Variants in ADCY10 observed in about 807,000 individuals in gnomAD.
The protein encoded by ADCY10 is adenylate cyclase 10.
In ADCY10, 156 loss-of-function variants were observed where a neutral mutation model predicts 183.3. The observed-to-expected ratio is 0.85, with a 90% CI of 0.75 to 0.97. The LOEUF (loss-of-function observed/expected upper bound fraction) is 0.97. Among genes scored for constraint, ADCY10 ranks in the 50% least tolerant of loss-of-function variants. ADCY10 has a pLI of 0.00. For missense variants in ADCY10, 1,745 were observed against 1,934.3 expected (o/e 0.90, Z 1.84); for synonymous variants, 645 against 670.0 (o/e 0.96, Z 0.58).
intron 13 of ADCY10, 34 bp downstream of exon 13, chr1:167,875,097 A>G (rs757878159): frequency 5.7e-6 from 9 of 1,587,682 alleles, no homozygotes; most frequent in Non-Finnish European, 7.8e-6. Flanking sequence ...TTTTAGTTCA[A>G]TAAAGAAGTT....
intron 15 of ADCY10, 79 bp from the exon 16 acceptor site, chr1:167,859,972 A>C: frequency 9.6e-7 from 1 of 1,037,260 alleles, no homozygotes; most frequent in Admixed American, 1.7e-5. Context: ...TGGGCAAAAC[A>C]CTTAACTATT....
intron 23 of ADCY10, chr1:167,834,503 T>G (rs1664045016): frequency 3.8e-6 from 1 of 266,042 alleles, no homozygotes; most frequent in South Asian, 4.8e-5. Flanking sequence ...AAATGAATTA[T>G]GAATCACCCC....
intron 8 of ADCY10, among the ~76,000 whole-genome samples, chr1:167,885,953 G>T (rs1029456273): frequency 2.0e-5 from 3 of 152,008 alleles, no homozygotes; most frequent in African/African-American, 7.3e-5. Flanking sequence ...CAGATTATTA[G>T]ATTTTTTTCT....
At chr1:167,893,582 C>T (rs1396900878) in intron 8 of ADCY10, among the ~76,000 whole-genome samples, 2 of 149,266 alleles carry the variant, frequency 1.3e-5, no homozygotes, top group East Asian at 2.0e-4. Flanking sequence ...GGTGTGGTGG[C>T]GCATGTGGGA....
At chr1:167,887,765 GA>G (rs1345248533) in intron 8 of ADCY10, among the ~76,000 whole-genome samples, 4 of 150,498 alleles carry the variant, frequency 2.7e-5, no homozygotes, top group African/African-American at 9.8e-5. Context: ...TTTTTTATCT[GA>G]TAAAATAATT....
At chr1:167,887,815 A>G (rs1306376517) in intron 8 of ADCY10, among the ~76,000 whole-genome samples, 1 of 150,928 alleles carries the variant, frequency 6.6e-6, no homozygotes, top group Non-Finnish European at 1.5e-5. Flanking sequence ...CCATCTGTCC[A>G]TTTTTGCTTT....
At chr1:167,853,020 G>A (rs913629339) in intron 18 of ADCY10, among the ~76,000 whole-genome samples, 2 of 152,150 alleles carry the variant, frequency 1.3e-5, no homozygotes, top group African/African-American at 4.8e-5. Flanking sequence ...TTCCCTCATT[G>A]TCACCTTTAG....
intron 6 of ADCY10, among the ~76,000 whole-genome samples, chr1:167,897,167 T>C (rs1395902231): frequency 6.6e-6 from 1 of 150,782 alleles, no homozygotes; most frequent in Non-Finnish European, 1.5e-5. Context: ...TTTTGTGGTA[T>C]TCTTGGTTAA....
intron 14 of ADCY10, among the ~76,000 whole-genome samples, chr1:167,862,958 T>C (rs1230121869): frequency 6.6e-6 from 1 of 152,154 alleles, no homozygotes; most frequent in African/African-American, 2.4e-5. Flanking sequence ...GCCCTCATAA[T>C]ATTCCTTATA....
intron 19 of ADCY10, among the ~76,000 whole-genome samples, chr1:167,847,567 C>G (rs750437938): frequency 6.6e-6 from 1 of 152,044 alleles, no homozygotes; most frequent in African/African-American, 2.4e-5. Flanking sequence ...ATGCATGCGC[C>G]ACCATGCCCG....
intron 22 of ADCY10, 21 bp from the exon 23 acceptor site, chr1:167,836,561 A>G (rs1363460605): frequency 6.8e-7 from 1 of 1,469,448 alleles, no homozygotes; most frequent in East Asian, 2.3e-5. Context: ...GCAGAAATAA[A>G]TAATAGTAAC....
At chr1:167,827,461 C>T (rs182017561) in intron 26 of ADCY10, among the ~76,000 whole-genome samples, 8 of 151,652 alleles carry the variant, frequency 5.3e-5, no homozygotes, top group African/African-American at 9.7e-5. Flanking sequence ...CCACCATGCC[C>T]GGCCTGCTGA....
At chr1:167,830,545 C>T (rs1367950167) in intron 25 of ADCY10, among the ~76,000 whole-genome samples, 1 of 152,108 alleles carries the variant, frequency 6.6e-6, no homozygotes, top group Non-Finnish European at 1.5e-5. Context: ...GCACACACCA[C>T]CATGTCTGGC....
At position 167,870,148 on chromosome 1, in the gene ADCY10, T is replaced by C. The variant is rs1666991668; in HGVS notation, c.1616+109A>G. 1.4e-5 allele frequency: 17 copies of C among 1,210,766 alleles called. 2 individuals carry two copies. The South Asian group carries it at 2.0e-4, about 14-fold the overall frequency. The allele number at this position is 1,210,766 out of a possible 1,614,324, so 75.0% of individuals were successfully genotyped here. On this transcript the variant is annotated intron_variant, in intron 14 of 32. Transcript: ENST00000367851. Reference sequence around the variant, plus strand: ...GCACAAGGGTCATGGCATCCAATAATTGTAGGTTATAGATAATTTACATAA... The same window carrying C: ...GCACAAGGGTCATGGCATCCAATAACTGTAGGTTATAGATAATTTACATAA...
intron 8 of ADCY10, among the ~76,000 whole-genome samples, chr1:167,885,698 C>G (rs1029570709): frequency 2.0e-5 from 3 of 152,144 alleles, no homozygotes; most frequent in African/African-American, 7.2e-5. Context: ...TCACTGCAAC[C>G]TCCGCCTCCT....
chr1:167,877,484 T>C (rs1667553916), intron 12 of ADCY10, among the ~76,000 whole-genome samples: 1 of 152,038 alleles, frequency 6.6e-6, no homozygotes, highest in Non-Finnish European at 1.5e-5. Flanking sequence ...AGCTTGCTAA[T>C]CTAATGAATA....
At chr1:167,846,411 T>G in intron 19 of ADCY10, 148 bp from the exon 20 acceptor site, 1 of 986,854 alleles carries the variant, frequency 1.0e-6, no homozygotes, top group African/African-American at 1.6e-5. Context: ...AAGTATTTGT[T>G]TAGTACCTAA....
intron 31 of ADCY10, among the ~76,000 whole-genome samples, chr1:167,815,790 G>A (rs1558141869): frequency 1.3e-5 from 2 of 152,148 alleles, no homozygotes. Context: ...TAGAGAGCAT[G>A]TAAGAGCAAT....
chr1:167,884,149 A>G (rs895024049), intron 8 of ADCY10, among the ~76,000 whole-genome samples: 4 of 152,210 alleles, frequency 2.6e-5, no homozygotes, highest in African/African-American at 7.2e-5. Flanking sequence ...GTATGGTTGT[A>G]TTAGTCCGTT....
Sources: gnomAD v4.1 joint callset for allele counts (sites outside exome capture counted in the v4.1 genomes callset) on GRCh38, gnomAD v4.1.1 for gene constraint, MANE v1.5 for transcripts, NCBI Gene and HGNC (gene_info 2026-07-23, HGNC 2026-07-21) for gene names.